Variants in PALLD observed in about 807,000 individuals in gnomAD.
PALLD encodes the protein palladin.
Under a neutral mutation model 123.5 loss-of-function variants are expected in PALLD, and 61 were observed. The ratio of observed to expected loss-of-function variants is 0.49; its 90% CI spans 0.40 to 0.61. PALLD has a LOEUF of 0.61. Ranked by LOEUF, PALLD falls within the 20% of genes least tolerant of loss-of-function variation. The pLI is 0.00. For synonymous variants in PALLD, 465 were observed against 496.4 expected (o/e 0.94, Z 0.84); for missense variants, 1,273 against 1,377.0 (o/e 0.92, Z 1.20).
chr4:168,542,082 C>T (rs1459761752), intron 2 of PALLD, among the ~76,000 whole-genome samples: 1 of 152,198 alleles, frequency 6.6e-6, no homozygotes, highest in Non-Finnish European at 1.5e-5. Flanking sequence ...TCATCACAAA[C>T]ACACACATAC....
chr4:168,685,993 A>G (rs1782006056), intron 6 of PALLD, among the ~76,000 whole-genome samples: 1 of 152,034 alleles, frequency 6.6e-6, no homozygotes, highest in Non-Finnish European at 1.5e-5. Flanking sequence ...ATGCTTCCAT[A>G]TAGCATTTCT....
intron 10 of PALLD, among the ~76,000 whole-genome samples, chr4:168,729,957 A>G (rs1387392192): frequency 1.3e-5 from 2 of 152,188 alleles, no homozygotes; most frequent in Non-Finnish European, 2.9e-5. Context: ...CCTGTATATG[A>G]CTGACTTTCA....
At chr4:168,880,307 A>C (rs1228833454) in intron 10 of PALLD, among the ~76,000 whole-genome samples, 5 of 152,214 alleles carry the variant, frequency 3.3e-5, no homozygotes, top group Non-Finnish European at 7.3e-5. Flanking sequence ...GCCATTTCTT[A>C]AAAATTAATG....
intron 10 of PALLD, among the ~76,000 whole-genome samples, chr4:168,725,412 G>T (rs948073146): frequency 6.6e-6 from 1 of 151,458 alleles, no homozygotes; most frequent in Non-Finnish European, 1.5e-5. Flanking sequence ...CTGGTTTCGG[G>T]GATGTATCAT....
intron 1 of PALLD, among the ~76,000 whole-genome samples, chr4:168,499,357 G>GA (rs1761150418): frequency 2.3e-5 from 2 of 87,160 alleles, no homozygotes; most frequent in African/African-American, 9.4e-5. Flanking sequence ...AGGGAGGGAG[G>GA]GGGGAGGGAG....
intron 2 of PALLD, among the ~76,000 whole-genome samples, chr4:168,565,425 C>A (rs1431336231): frequency 6.6e-6 from 1 of 152,190 alleles, no homozygotes; most frequent in South Asian, 2.1e-4. Flanking sequence ...CTGCAGGAGG[C>A]TTAGAGATAA....
intron 10 of PALLD, among the ~76,000 whole-genome samples, chr4:168,751,339 G>A (rs1414868904): frequency 6.6e-6 from 1 of 152,018 alleles, no homozygotes; most frequent in Non-Finnish European, 1.5e-5. Flanking sequence ...AAGCCTCTCC[G>A]GCAGTATAAT....
Position 168,709,735 on chromosome 4 carries a change from T to C in PALLD, c.1621+588T>C, listed in dbSNP as rs575064225. On this transcript the variant is annotated intron_variant, in intron 9 of 21. Coordinates refer to ENST00000505667, the MANE Select transcript of PALLD (RefSeq NM_001166108.2). ...CCAGGAGTCACCCTAACAATCTAAG[T>C]TCATCGTGAAACAAAGGCTTTAGGG... is the stretch of plus-strand genomic sequence containing the variant. Among the ~76,000 whole-genome samples, 7 of 151,822 alleles carry C rather than the reference T, an allele frequency of 4.6e-5. No individual in the cohort carries two copies. The South Asian group carries it at 1.5e-3, about 32-fold the overall frequency.
At chr4:168,660,655 T>C (rs1779040520) in intron 2 of PALLD, among the ~76,000 whole-genome samples, 1 of 151,956 alleles carries the variant, frequency 6.6e-6, no homozygotes, top group Non-Finnish European at 1.5e-5. Flanking sequence ...AATTTCAAAA[T>C]CCCAGCACAG....
intron 2 of PALLD, among the ~76,000 whole-genome samples, chr4:168,593,681 C>T (rs1771685172): frequency 6.6e-6 from 1 of 152,044 alleles, no homozygotes. Flanking sequence ...ACAGGAAGTC[C>T]CCAATTTTAA....
At chr4:168,740,939 A>G (rs1233999125) in intron 10 of PALLD, among the ~76,000 whole-genome samples, 3 of 152,232 alleles carry the variant, frequency 2.0e-5, no homozygotes, top group Admixed American at 6.5e-5. Flanking sequence ...CCATTTTGCT[A>G]TGCTGTTTAA....
intron 10 of PALLD, among the ~76,000 whole-genome samples, chr4:168,745,618 T>G (rs1180950596): frequency 6.6e-6 from 1 of 152,188 alleles, no homozygotes; most frequent in African/African-American, 2.4e-5. Context: ...TTTAATGGTA[T>G]TTTCATTTTA....
At position 168,928,070 on chromosome 4, in the gene PALLD, G is replaced by GT; in HGVS notation, c.*1893dup. 1 of 195,560 alleles carries GT rather than the reference G, an allele frequency of 5.1e-6. No individual in the cohort carries two copies. Among genetic ancestry groups the GT allele is most frequent in the Non-Finnish European group, 1.1e-5 (1 of 93,824 alleles). The allele number at this position is 195,560 out of a possible 1,614,324, so 12.1% of individuals were successfully genotyped here. A position where few individuals can be genotyped will look rare whatever the true frequency, so the allele number is the denominator to read the frequency against. ...TTTGTAAGAACACCAACCAACCAAG[G>GT]TTTAAGTGATTAATAGGCTTGAGCA... is the stretch of plus-strand genomic sequence containing the variant. On this transcript the variant is annotated 3_prime_UTR_variant, in exon 22 of 22. Transcript: ENST00000505667.
intron 2 of PALLD, among the ~76,000 whole-genome samples, chr4:168,571,196 T>A (rs1186053043): frequency 1.3e-5 from 2 of 152,152 alleles, no homozygotes; most frequent in Non-Finnish European, 2.9e-5. Flanking sequence ...CTTTCCAGAG[T>A]TTCTTCCCTC....
intron 10 of PALLD, among the ~76,000 whole-genome samples, chr4:168,745,427 AG>A (rs1003330053): frequency 4.4e-5 from 4 of 91,620 alleles, no homozygotes; most frequent in South Asian, 3.7e-4. Context: ...GTGAGATGGG[AG>A]GGGGGGGCAA....
chr4:168,606,650 C>A (rs1198330316), intron 2 of PALLD, among the ~76,000 whole-genome samples: 5 of 131,470 alleles, frequency 3.8e-5, no homozygotes, highest in African/African-American at 5.9e-5. Flanking sequence ...GGGGACAGAG[C>A]GAGACTCCGT....
chr4:168,877,782 C>T (rs1751959290), intron 10 of PALLD: 2 of 1,205,798 alleles, frequency 1.7e-6, no homozygotes, highest in East Asian at 3.9e-5. Context: ...GAGGCCGGCG[C>T]TCGGCAGCCT....
At chr4:168,672,661 T>A (rs922752978) in intron 3 of PALLD, among the ~76,000 whole-genome samples, 1 of 152,110 alleles carries the variant, frequency 6.6e-6, no homozygotes, top group Non-Finnish European at 1.5e-5. Flanking sequence ...GGTTTCGCCG[T>A]GTTAGCCAGG....
chr4:168,596,536 G>A (rs1771993958), intron 2 of PALLD, among the ~76,000 whole-genome samples: 1 of 151,990 alleles, frequency 6.6e-6, no homozygotes, highest in Non-Finnish European at 1.5e-5. Context: ...TAAGAGCCTG[G>A]AGAAATGACT....
Sources: gnomAD v4.1 joint callset for allele counts (sites outside exome capture counted in the v4.1 genomes callset) on GRCh38, gnomAD v4.1.1 for gene constraint, MANE v1.5 for transcripts, NCBI Gene and HGNC (gene_info 2026-07-23, HGNC 2026-07-21) for gene names.